The following AGBL1 variants were observed in gnomAD, a reference collection of about 807,000 sequenced individuals.
The protein encoded by AGBL1 is AGBL carboxypeptidase 1.
A neutral mutation model predicts 118.9 loss-of-function variants in AGBL1; 130 were observed. That is an observed-to-expected ratio of 1.09 (90% CI 0.95 to 1.26). The LOEUF (loss-of-function observed/expected upper bound fraction) is 1.26. Among genes scored for constraint, AGBL1 ranks in the 50% most tolerant of loss-of-function variants. The pLI, the probability that AGBL1 is intolerant of heterozygous loss-of-function variation, is 0.00. For missense variants in AGBL1, 1,584 were observed against 1,298.1 expected (o/e 1.22, Z -3.38); for synonymous variants, 555 against 478.9 (o/e 1.16, Z -2.08).
At chr15:86,870,566 T>C (rs2079712502) in intron 22 of AGBL1, among the ~76,000 whole-genome samples, 1 of 147,990 alleles carries the variant, frequency 6.8e-6, no homozygotes, top group Admixed American at 6.8e-5. Flanking sequence ...AACATGAGGA[T>C]GAAAATTGTA....
intron 22 of AGBL1, among the ~76,000 whole-genome samples, chr15:86,886,928 G>A (rs921591905): frequency 1.3e-5 from 2 of 152,160 alleles, no homozygotes; most frequent in African/African-American, 2.4e-5. Flanking sequence ...CTCGCCAAGT[G>A]TGTAATACCA....
intron 24 of AGBL1, among the ~76,000 whole-genome samples, chr15:87,006,004 C>G (rs1351204129): frequency 2.0e-5 from 3 of 152,230 alleles, no homozygotes; most frequent in Non-Finnish European, 2.9e-5. Context: ...GGCTGCAGAA[C>G]AGCAAATATT....
At chr15:86,232,926 A>G (rs773548882) in intron 6 of AGBL1, among the ~76,000 whole-genome samples, 2 of 152,146 alleles carry the variant, frequency 1.3e-5, no homozygotes, top group Non-Finnish European at 2.9e-5. Flanking sequence ...ATGAGTGTTT[A>G]TTAGAGTACC....
intron 24 of AGBL1, among the ~76,000 whole-genome samples, chr15:87,002,473 T>C (rs1228311622): frequency 6.6e-6 from 1 of 151,982 alleles, no homozygotes; most frequent in Non-Finnish European, 1.5e-5. Flanking sequence ...TCTTTTTTGG[T>C]TCCATATGAA....
At chr15:86,807,348 G>A (rs1284522483) in intron 22 of AGBL1, among the ~76,000 whole-genome samples, 1 of 152,156 alleles carries the variant, frequency 6.6e-6, no homozygotes, top group Non-Finnish European at 1.5e-5. Flanking sequence ...ACCTGTTGGA[G>A]AGAACTGTAA....
rs945435931 is a variant in AGBL1 at position 86,475,736 on chromosome 15, A to T, written c.2556-47074A>T. On this transcript the variant is annotated intron_variant, in intron 18 of 22. Coordinates refer to ENST00000614907, the MANE Select transcript of AGBL1 (RefSeq NM_001386094.1). ...GAAATACAGAGAATGCCACAAAGAT[A>T]CTCATCAAGAAGAGCAACTTCAAGA... Among the ~76,000 whole-genome samples the T allele has an allele frequency of 4.6e-5, 7 of 152,160 alleles. No homozygotes were observed. The East Asian group carries it at 1.4e-3, about 29-fold the overall frequency.
chr15:86,345,040 C>T (rs117794042), intron 17 of AGBL1, among the ~76,000 whole-genome samples: 5,094 of 152,208 alleles, frequency 0.033, 111 homozygotes, highest in Non-Finnish European at 0.054. Flanking sequence ...AGCACCTCTT[C>T]TTTTTCAGGC....
intron 22 of AGBL1, among the ~76,000 whole-genome samples, chr15:86,729,681 A>C (rs1021102239): frequency 2.0e-5 from 3 of 152,084 alleles, no homozygotes; most frequent in Non-Finnish European, 2.9e-5. Context: ...CCCACTGTTG[A>C]GCATCTAGGT....
chr15:86,224,888 T>C, intron 5 of AGBL1, 26 bp from the exon 6 acceptor site: 1 of 1,612,452 alleles, frequency 6.2e-7, no homozygotes, highest in Non-Finnish European at 8.5e-7. Context: ...GAATGTTGAC[T>C]GTTACTTTTC....
intron 1 of AGBL1, among the ~76,000 whole-genome samples, chr15:86,124,632 C>T (rs1338909827): frequency 6.6e-6 from 1 of 152,112 alleles, no homozygotes; most frequent in African/African-American, 2.4e-5. Flanking sequence ...TGATACTGAC[C>T]CATCAGGTGG....
intron 16 of AGBL1, 108 bp downstream of exon 16, chr15:86,279,891 T>C (rs1431098875): frequency 2.1e-6 from 3 of 1,407,164 alleles, no homozygotes. Flanking sequence ...CAGAGGGGAA[T>C]GTAGGGGAAC....
At position 86,107,005 on chromosome 15, in the gene AGBL1, G is replaced by A. The variant is rs563247406; in HGVS notation, c.51+26982G>A. On this transcript the variant is annotated intron_variant, in intron 1 of 22. Transcript: ENST00000614907. ...TTGTTGAACTATATGAGTGACACACGCCTGGAGGAGAAGAGTATTATAATT... is the reference window on the plus strand; with the variant it reads ...TTGTTGAACTATATGAGTGACACACACCTGGAGGAGAAGAGTATTATAATT... Among the ~76,000 whole-genome samples, 7 of 152,270 alleles carry A rather than the reference G, an allele frequency of 4.6e-5. No individual in the cohort carries two copies. In the East Asian group the frequency reaches 9.7e-4, roughly 21 times the overall value.
chr15:86,596,331 C>T (rs2084404657), intron 21 of AGBL1, among the ~76,000 whole-genome samples: 1 of 152,098 alleles, frequency 6.6e-6, no homozygotes. Context: ...CTTTCTGTAA[C>T]CTTAAGATGA....
At chr15:86,411,432 C>G (rs1274874533) in intron 18 of AGBL1, among the ~76,000 whole-genome samples, 1 of 152,166 alleles carries the variant, frequency 6.6e-6, no homozygotes, top group Non-Finnish European at 1.5e-5. Context: ...GCCTGGCAGT[C>G]TGGAGTTTCT....
chr15:86,869,544 T>C (rs2079688734), intron 22 of AGBL1, among the ~76,000 whole-genome samples: 1 of 152,164 alleles, frequency 6.6e-6, no homozygotes. Context: ...CTAGAAGTCA[T>C]GAGGGGCATA....
At chr15:86,865,536 C>G (rs1013185381) in intron 22 of AGBL1, among the ~76,000 whole-genome samples, 11 of 152,148 alleles carry the variant, frequency 7.2e-5, no homozygotes, top group African/African-American at 2.7e-4. Context: ...AGAAAATGGA[C>G]AGTATAAATA....
intron 18 of AGBL1, among the ~76,000 whole-genome samples, chr15:86,516,221 A>G (rs979764861): frequency 3.3e-5 from 5 of 152,222 alleles, no homozygotes; most frequent in African/African-American, 1.2e-4. Context: ...GAGTTCCGTC[A>G]TCTTTGTCCA....
At chr15:86,241,410 T>C (rs1232082260) in intron 6 of AGBL1, among the ~76,000 whole-genome samples, 2 of 152,210 alleles carry the variant, frequency 1.3e-5, no homozygotes, top group Non-Finnish European at 2.9e-5. Flanking sequence ...TTATATTGCT[T>C]TAATATTTAC....
rs1188333917 is a variant in AGBL1 at position 86,841,529 on chromosome 15, C to T, written c.3159-65558C>T. Among the ~76,000 whole-genome samples the T allele has an allele frequency of 2.6e-5, 4 of 152,168 alleles. No homozygotes were observed. In the East Asian group the frequency reaches 7.7e-4, roughly 29 times the overall value. ...TTCAAAATTTGGCATTCCCAACACACATCTCACGATTTGAGCTCTAGAGTC... is the reference window on the plus strand; with the variant it reads ...TTCAAAATTTGGCATTCCCAACACATATCTCACGATTTGAGCTCTAGAGTC... On this transcript the variant is annotated intron_variant, in intron 22 of 22. Transcript: ENST00000614907.
Sources: gnomAD v4.1 joint callset for allele counts (sites outside exome capture counted in the v4.1 genomes callset) on GRCh38, gnomAD v4.1.1 for gene constraint, MANE v1.5 for transcripts, NCBI Gene and HGNC (gene_info 2026-07-23, HGNC 2026-07-21) for gene names.